Variants in AGK observed in about 807,000 individuals in gnomAD.
AGK encodes the protein acylglycerol kinase, mitochondrial.
AGK carries 52 observed loss-of-function variants against 66.4 expected under a neutral mutation model. The ratio of observed to expected loss-of-function variants is 0.78; its 90% CI spans 0.63 to 0.99. The LOEUF (loss-of-function observed/expected upper bound fraction) is 0.99. AGK is among the 50% of genes least tolerant of loss of function. The pLI is 0.00. For synonymous variants in AGK, 182 were observed against 181.1 expected, an observed-to-expected ratio of 1.00 and a Z score of -0.04; for missense variants, 451 against 506.6, an observed-to-expected ratio of 0.89 and a Z score of 1.05.
chr7:141,564,444 T>TA (rs1275887949), intron 2 of AGK, among the ~76,000 whole-genome samples: 3 of 151,626 alleles, frequency 2.0e-5, no homozygotes, highest in Non-Finnish European at 2.9e-5. Context: ...AAAGCCCCTT[T>TA]AAAAAAACCA....
Position 141,651,018 on chromosome 7 carries a change from A to C in AGK, c.1047-507A>C, listed in dbSNP as rs114322285. Among the ~76,000 whole-genome samples, 85 of 152,222 alleles carry C rather than the reference A, an allele frequency of 5.6e-4. 1 individual carries two copies. Among genetic ancestry groups the C allele is most frequent in the African/African-American group, 1.9e-3 (80 of 41,460 alleles). On this transcript the variant is annotated intron_variant, in intron 14 of 15. Coordinates refer to ENST00000649286, the MANE Select transcript of AGK (RefSeq NM_018238.4). ...GCAAAAATATGTATTCTCTATCCTC[A>C]GTTGGTTGAATCCACGGGAGTGGGA...
chr7:141,650,863 C>T lies in AGK; in HGVS notation c.1047-662C>T, dbSNP rs573449134. ...CACGGTATTTGCATAGACTTAGGCA[C>T]GTCCTCCCTATGCACACTAAATCAT... On this transcript the variant is annotated intron_variant, in intron 14 of 15. Transcript: ENST00000649286. Among the ~76,000 whole-genome samples, 129 of 152,270 alleles carry T rather than the reference C, an allele frequency of 8.5e-4. 2 individuals are homozygous for T. Among genetic ancestry groups the T allele is most frequent in the Middle Eastern group, 3.4e-3 (1 of 294 alleles).
At chr7:141,587,959 A>T (rs549877775) in intron 2 of AGK, among the ~76,000 whole-genome samples, 1 of 152,292 alleles carries the variant, frequency 6.6e-6, no homozygotes, top group Non-Finnish European at 1.5e-5. Context: ...ACTTGATCCT[A>T]AGCTTCTTCA....
intron 6 of AGK, among the ~76,000 whole-genome samples, chr7:141,611,920 C>G (rs1053486696): frequency 6.6e-6 from 1 of 152,212 alleles, no homozygotes; most frequent in South Asian, 2.1e-4. Flanking sequence ...CACTTTGGAA[C>G]AGCTGGGTGT....
chr7:141,628,413 G>A (rs969809968), intron 9 of AGK, among the ~76,000 whole-genome samples: 1 of 152,066 alleles, frequency 6.6e-6, no homozygotes, highest in African/African-American at 2.4e-5. Context: ...CCTTATTTCT[G>A]AAAATTAATT....
chr7:141,641,200 GT>G, intron 11 of AGK, 47 bp from the exon 12 acceptor site: 1 of 1,560,080 alleles, frequency 6.4e-7, no homozygotes, highest in Non-Finnish European at 8.7e-7. Flanking sequence ...AACTCCCAGA[GT>G]GGAATTGTAC....
chr7:141,610,632 T>C (rs1796565777), intron 5 of AGK, among the ~76,000 whole-genome samples: 2 of 152,204 alleles, frequency 1.3e-5, no homozygotes, highest in Middle Eastern at 3.2e-3. Flanking sequence ...TTATGAACAG[T>C]TACCTTACCA....
At chr7:141,563,123 G>A (rs1259927216) in intron 2 of AGK, among the ~76,000 whole-genome samples, 1 of 152,194 alleles carries the variant, frequency 6.6e-6, no homozygotes, top group African/African-American at 2.4e-5. Context: ...TTCTTTCAAA[G>A]CATCTGTGAA....
intron 8 of AGK, chr7:141,615,822 C>A: frequency 2.3e-6 from 1 of 426,848 alleles, no homozygotes; most frequent in Non-Finnish European, 4.2e-6. Flanking sequence ...AAGATAATAT[C>A]CCTGACCTAA....
Position 141,593,224 on chromosome 7 carries a change from A to G in AGK, c.141+39A>G, listed in dbSNP as rs772953397. On this transcript the variant is annotated intron_variant, in intron 3 of 15. Transcript: ENST00000649286. ...ATGTGATAAAATTAAGCCCCTCCTTATCTTCATTGTGCAGAAAACTTAAGC... is the reference window on the plus strand; with the variant it reads ...ATGTGATAAAATTAAGCCCCTCCTTGTCTTCATTGTGCAGAAAACTTAAGC... 5.1e-6 allele frequency: 8 copies of G among 1,580,990 alleles called. No homozygotes were observed. The Admixed American group carries it at 1.2e-4, about 23-fold the overall frequency.
At chr7:141,647,484 G>A (rs1361963721) in intron 13 of AGK, among the ~76,000 whole-genome samples, 1 of 151,962 alleles carries the variant, frequency 6.6e-6, no homozygotes, top group Admixed American at 6.6e-5. Context: ...GAAGGCCTCC[G>A]CCCCAGTAGT....
rs377694260 is a variant in AGK, at chr7:141,561,614, A to AT, written c.101+6057dup. Among the ~76,000 whole-genome samples, 1,334 of 147,730 alleles carry AT rather than the reference A, an allele frequency of 9.0e-3. 24 individuals carry two copies. The highest frequency in any genetic ancestry group is 0.03 in the African/African-American group (1,191 of 40,248). ...CCTTAGGCCACTTTTTGATGGAATT[A>AT]TTTTTTTTTTCTTGCTGATTTGTTT... On this transcript the variant is annotated intron_variant, in intron 2 of 15. Transcript: ENST00000649286.
At chr7:141,573,128 A>C (rs1030987548) in intron 2 of AGK, among the ~76,000 whole-genome samples, 4 of 152,152 alleles carry the variant, frequency 2.6e-5, no homozygotes, top group African/African-American at 9.7e-5. Context: ...TAGCCATTTC[A>C]AAGTTTATCT....
chr7:141,572,809 G>GA (rs1267449613), intron 2 of AGK, among the ~76,000 whole-genome samples: 1 of 152,114 alleles, frequency 6.6e-6, no homozygotes, highest in Non-Finnish European at 1.5e-5. Flanking sequence ...GCTATGGGGG[G>GA]GGGAAATGTG....
chr7:141,624,812 G>A (rs1184083122), intron 9 of AGK, among the ~76,000 whole-genome samples: 2 of 152,192 alleles, frequency 1.3e-5, no homozygotes, highest in Non-Finnish European at 2.9e-5. Flanking sequence ...CAAAGCATTG[G>A]CAGGGATTGA....
intron 9 of AGK, among the ~76,000 whole-genome samples, chr7:141,629,825 T>A (rs1162817414): frequency 6.6e-6 from 1 of 151,976 alleles, no homozygotes; most frequent in Non-Finnish European, 1.5e-5. Context: ...AGAGGATCAG[T>A]CGGCAACCCT....
At chr7:141,626,120 G>GCCCT (rs1208158719) in intron 9 of AGK, among the ~76,000 whole-genome samples, 2 of 152,172 alleles carry the variant, frequency 1.3e-5, no homozygotes, top group Non-Finnish European at 2.9e-5. Flanking sequence ...TGAAGGATTG[G>GCCCT]CTTTCGCAGG....
At chr7:141,617,735 A>T (rs1796739646) in intron 8 of AGK, among the ~76,000 whole-genome samples, 1 of 152,240 alleles carries the variant, frequency 6.6e-6, no homozygotes, top group Non-Finnish European at 1.5e-5. Context: ...AAAATTTAAT[A>T]TAAAAAGACT....
At chr7:141,578,650 G>A (rs902906142) in intron 2 of AGK, among the ~76,000 whole-genome samples, 1 of 151,866 alleles carries the variant, frequency 6.6e-6, no homozygotes, top group African/African-American at 2.4e-5. Context: ...CAAGTTGAGG[G>A]AGGATTTTGT....
Sources: allele counts gnomAD v4.1 joint callset (sites outside exome capture counted in the v4.1 genomes callset), GRCh38; gene constraint gnomAD v4.1.1; transcripts MANE v1.5; gene names NCBI Gene and HGNC (gene_info 2026-07-23, HGNC 2026-07-21).